Variants in PTPRG observed in about 807,000 individuals in gnomAD.
The protein encoded by PTPRG is protein tyrosine phosphatase receptor type G, also known as receptor-type tyrosine-protein phosphatase gamma.
PTPRG carries 102 observed loss-of-function variants against 165.3 expected under a neutral mutation model. The observed-to-expected ratio is 0.62, with a 90% CI of 0.53 to 0.73. The LOEUF (loss-of-function observed/expected upper bound fraction) is 0.73. PTPRG is among the 30% of genes least tolerant of loss of function. PTPRG has a pLI of 0.00. For synonymous variants in PTPRG, 675 were observed against 669.5 expected (o/e 1.01, Z -0.13); for missense variants, 1,866 against 1,861.4 (o/e 1.00, Z -0.05).
rs531517890 is a variant in PTPRG, at chr3:62,255,871, G to A, written c.2559+656G>A. On this transcript the variant is annotated intron_variant, in intron 16 of 29. Transcript: ENST00000474889. The surrounding 1 kb of genome is among the most constrained non-coding windows in gnomAD (Gnocchi z 4.0). ...CAGCCTTCTGATTTTAAGAACTGGT[G>A]TGTAGGAAACAAGGTAGAGAGAGGC... Among the ~76,000 whole-genome samples, 16 of 152,282 alleles carry A rather than the reference G, an allele frequency of 1.1e-4. No homozygotes were observed. The highest frequency in any genetic ancestry group is 1.8e-4 in the Non-Finnish European group (12 of 68,026).
intron 4 of PTPRG, among the ~76,000 whole-genome samples, chr3:62,026,679 G>C (rs956097429): frequency 6.6e-6 from 1 of 152,012 alleles, no homozygotes; most frequent in Non-Finnish European, 1.5e-5. Context: ...AAGATCAGGA[G>C]ATCAAGACCA....
In PTPRG at chr3:62,267,386, GT is replaced by G. The variant is rs201718361; in HGVS notation, c.2657-15del. Reference sequence around the variant, plus strand: ...TTTCTGAATTATCCATTTTATTTCTGTTTTTTTTTCTTATCTTCTATAGATG... The same window carrying G: ...TTTCTGAATTATCCATTTTATTTCTGTTTTTTTTCTTATCTTCTATAGATG... On this transcript the variant is annotated intron_variant, in intron 17 of 29. Coordinates refer to ENST00000474889, the MANE Select transcript of PTPRG (RefSeq NM_002841.4). The G allele has an allele frequency of 3.6e-5, 53 of 1,455,922 alleles. No homozygotes were observed. In the South Asian group the frequency reaches 4.1e-4, roughly 11 times the overall value. The allele number at this position is 1,455,922 out of a possible 1,614,324, so 90.2% of individuals were successfully genotyped here.
At chr3:61,609,505 C>T in intron 1 of PTPRG, among the ~76,000 whole-genome samples, 1 of 152,158 alleles carries the variant, frequency 6.6e-6, no homozygotes, top group Admixed American at 6.5e-5. Context: ...GGTGGTTCAC[C>T]AACAACTACA....
intron 2 of PTPRG, among the ~76,000 whole-genome samples, chr3:61,924,086 C>CT (rs1238585694): frequency 6.6e-6 from 1 of 152,096 alleles, no homozygotes; most frequent in African/African-American, 2.4e-5. Flanking sequence ...CTGGATTTTC[C>CT]TTTTTTTCTG....
intron 2 of PTPRG, among the ~76,000 whole-genome samples, chr3:61,956,265 C>T (rs914436604): frequency 2.3e-5 from 3 of 132,568 alleles, no homozygotes; most frequent in Non-Finnish European, 3.2e-5. Context: ...TGCTCACTCG[C>T]GTGCACGCTG....
intron 1 of PTPRG, among the ~76,000 whole-genome samples, chr3:61,631,540 C>T (rs1701775121): frequency 6.6e-6 from 1 of 152,144 alleles, no homozygotes; most frequent in Admixed American, 6.5e-5. Flanking sequence ...GTATATAGAG[C>T]TCAGCTCCAT....
chr3:62,064,383 G>T (rs751145716), intron 4 of PTPRG, among the ~76,000 whole-genome samples: 33 of 152,148 alleles, frequency 2.2e-4, no homozygotes, highest in Admixed American at 3.9e-4. Context: ...TATTTATTTT[G>T]CAAGTTGATT....
At chr3:61,836,241 T>TA (rs2107312957) in intron 2 of PTPRG, among the ~76,000 whole-genome samples, 1 of 152,272 alleles carries the variant, frequency 6.6e-6, no homozygotes, top group South Asian at 2.1e-4. Context: ...TGTTTAGGCC[T>TA]TTGTTATAGA....
chr3:61,651,343 A>G (rs1319653164), intron 1 of PTPRG, among the ~76,000 whole-genome samples: 1 of 142,646 alleles, frequency 7.0e-6, no homozygotes, highest in Non-Finnish European at 1.5e-5. Flanking sequence ...TGTCGTTGAC[A>G]TTTTGTCCCA....
intron 2 of PTPRG, among the ~76,000 whole-genome samples, chr3:61,987,900 C>A (rs953105787): frequency 6.6e-6 from 1 of 151,792 alleles, no homozygotes; most frequent in Non-Finnish European, 1.5e-5. Context: ...AAAGTTTGGC[C>A]AAAATAAAAT....
intron 1 of PTPRG, among the ~76,000 whole-genome samples, chr3:61,569,185 T>C (rs1301350276): frequency 2.0e-5 from 3 of 152,150 alleles, no homozygotes; most frequent in Non-Finnish European, 4.4e-5. Flanking sequence ...TGTTAATGCT[T>C]TTCTATTTGT....
At chr3:62,189,328 G>C (rs2106799241) in intron 8 of PTPRG, among the ~76,000 whole-genome samples, 1 of 152,254 alleles carries the variant, frequency 6.6e-6, no homozygotes, top group South Asian at 2.1e-4. Context: ...GGTCCTCAAA[G>C]CTGGGCCATG....
At chr3:62,015,708 G>A (rs1487590130) in intron 4 of PTPRG, among the ~76,000 whole-genome samples, 1 of 152,100 alleles carries the variant, frequency 6.6e-6, no homozygotes, top group Non-Finnish European at 1.5e-5. Flanking sequence ...TGTGGGTGCT[G>A]AGAGCCAGGC....
chr3:61,987,981 AG>A (rs2040802243), intron 2 of PTPRG, among the ~76,000 whole-genome samples: 1 of 152,208 alleles, frequency 6.6e-6, no homozygotes, highest in Non-Finnish European at 1.5e-5. Context: ...TTTGACAAAG[AG>A]GTAAAAAAAT....
At chr3:62,267,884 C>T (rs1050436608) in intron 19 of PTPRG, 65 bp downstream of exon 19, 2 of 1,561,426 alleles carry the variant, frequency 1.3e-6, no homozygotes, top group Non-Finnish European at 1.7e-6. Context: ...TGTGGAGTAC[C>T]TGCTTTAGGG....
At chr3:61,803,641 C>T (rs926239495) in intron 2 of PTPRG, among the ~76,000 whole-genome samples, 2 of 151,916 alleles carry the variant, frequency 1.3e-5, no homozygotes, top group African/African-American at 4.8e-5. Context: ...TTGTTGCTTC[C>T]TGAATGTTGC....
Position 62,252,822 on chromosome 3 carries a change from T to C in PTPRG, c.2468-2302T>C, listed in dbSNP as rs190782149. 9.8e-5 allele frequency among the ~76,000 whole-genome samples: 15 copies of C among 152,354 alleles called. No homozygotes were observed. The highest frequency in any genetic ancestry group is 8.5e-4 in the Admixed American group (13 of 15,308). On this transcript the variant is annotated intron_variant, in intron 15 of 29. Coordinates refer to ENST00000474889, the MANE Select transcript of PTPRG (RefSeq NM_002841.4). This position sits in a 1 kb window ranked among gnomAD's most constrained non-coding sequence, Gnocchi z 4.6. ...GCAAATGCTGTATTATCTGGGTAGC[T>C]GACAGTGGTCAGTACAGCATGCATC... is the stretch of plus-strand genomic sequence containing the variant.
At chr3:62,181,762 G>C (rs548736099) in intron 8 of PTPRG, among the ~76,000 whole-genome samples, 47 of 152,084 alleles carry the variant, frequency 3.1e-4, no homozygotes, top group Non-Finnish European at 5.6e-4. Context: ...CTTTAAAATT[G>C]TACTAACTTA....
chr3:61,621,761 T>A (rs868502243), intron 1 of PTPRG, among the ~76,000 whole-genome samples: 2 of 152,208 alleles, frequency 1.3e-5, no homozygotes, highest in African/African-American at 2.4e-5. Flanking sequence ...AATAGATATG[T>A]CCCTTCATCC....
Sources: gnomAD v4.1 joint callset for allele counts (sites outside exome capture counted in the v4.1 genomes callset) on GRCh38, gnomAD v4.1.1 for gene constraint, Gnocchi (gnomAD v3.1) non-coding constraint, MANE v1.5 for transcripts, NCBI Gene and HGNC (gene_info 2026-07-23, HGNC 2026-07-21) for gene names.